The following RRP15 variants were observed in gnomAD, a reference collection of about 807,000 sequenced individuals.
The protein encoded by RRP15 is ribosomal RNA processing 15 homolog.
Under a neutral mutation model 27.1 loss-of-function variants are expected in RRP15, and 18 were observed. That is an observed-to-expected ratio of 0.66 (90% confidence interval 0.46 to 0.98). The LOEUF (loss-of-function observed/expected upper bound fraction) is 0.98, where lower values mean the gene tolerates loss of function less well. Among genes scored for constraint, RRP15 ranks in the 50% least tolerant of loss-of-function variants. The pLI, the probability that RRP15 is intolerant of heterozygous loss-of-function variation, is 0.00. For synonymous variants in RRP15, 107 were observed against 109.4 expected, an observed-to-expected ratio of 0.98 and a Z score of 0.14; for missense variants, 359 against 337.8, an observed-to-expected ratio of 1.06 and a Z score of -0.49.
At chr1:218,286,278 T>A (rs1369252315) in intron 1 of RRP15, among the ~76,000 whole-genome samples, 1 of 152,206 alleles carries the variant, frequency 6.6e-6, no homozygotes, top group African/African-American at 2.4e-5. Context: ...TTGGGCCAGG[T>A]TGTCTGTCAT....
chr1:218,329,677 A>G (rs547686543), intron 4 of RRP15, among the ~76,000 whole-genome samples: 1 of 152,284 alleles, frequency 6.6e-6, no homozygotes, highest in South Asian at 2.1e-4. Context: ...TTGATATACG[A>G]AGTCAGTTCT....
At chr1:218,286,692 A>G (rs1655554089) in intron 1 of RRP15, among the ~76,000 whole-genome samples, 1 of 152,156 alleles carries the variant, frequency 6.6e-6, no homozygotes, top group Admixed American at 6.5e-5. Context: ...CTTCACAGAT[A>G]TTTAAGTAAA....
chr1:218,336,016 G>T lies in RRP15; in HGVS notation c.*4925G>T, dbSNP rs1047645960. 3.3e-5 allele frequency: 5 copies of T among 152,062 alleles called. No individual in the cohort carries two copies. Among genetic ancestry groups the T allele is most frequent in the Admixed American group, 2.6e-4 (4 of 15,246 alleles). The allele number at this position is 152,062 out of a possible 1,614,324, so 9.4% of individuals were successfully genotyped here. ...TAAATATTTTTGTTGTTCTCTAAAA[G>T]AATGGGTTTATGATGCACCAAAAGG... On this transcript the variant is annotated 3_prime_UTR_variant, in exon 5 of 5. Transcript: ENST00000366932.
intron 1 of RRP15, among the ~76,000 whole-genome samples, chr1:218,295,189 C>T (rs529444274): frequency 1.6e-4 from 25 of 152,112 alleles, no homozygotes; most frequent in Admixed American, 6.5e-5. Context: ...TTGATGATAT[C>T]AAGTATGATA....
rs2102498257 is a variant in RRP15, at chr1:218,302,447, A to C, written c.293A>C (p.Lys98Thr). The C allele has an allele frequency of 1.2e-6, 2 of 1,614,140 alleles. No individual in the cohort carries two copies. Among genetic ancestry groups the C allele is most frequent in the East Asian group, 4.5e-5 (2 of 44,874 alleles). Residue 98 changes from lysine (K) to threonine (T), a missense_variant, in exon 2 of 5, where the codon AAA becomes ACA. Lys to Thr is a moderately conservative substitution (Grantham distance 78, BLOSUM62 -1). Transcript: ENST00000366932. ...ATGGGCTGGGCAGATGCTATGGCTAAAGTCCTCAACAAGAAAACTCCTGAA... is the reference window on the plus strand; with the variant it reads ...ATGGGCTGGGCAGATGCTATGGCTACAGTCCTCAACAAGAAAACTCCTGAA... The part of the protein sequence containing the change: ...TNMGWADAMA[K>T]VLNKKTPESK...
At chr1:218,321,683 G>T (rs940349358) in intron 4 of RRP15, among the ~76,000 whole-genome samples, 2 of 152,010 alleles carry the variant, frequency 1.3e-5, no homozygotes, top group African/African-American at 4.8e-5. Flanking sequence ...TTTATAAAAA[G>T]AATATACCAA....
chr1:218,331,009 G>A lies in RRP15; in HGVS notation c.767G>A (p.Gly256Glu), dbSNP rs1321655880. Residue 256 changes from glycine (G) to glutamate (E), a missense_variant, in exon 5 of 5, where the codon GGA (glycine) becomes GAA (glutamate). Coordinates refer to ENST00000366932, the MANE Select transcript of RRP15 (RefSeq NM_016052.4). ...ATCCTACGTGATGATTTCATGATGG[G>A]AGCATCTATGAAAGACTGGGACAAG... Reference protein sequence around the residue: ...WTILRDDFMMGASMKDWDKES... With the variant: ...WTILRDDFMMEASMKDWDKES... The A allele has an allele frequency of 6.2e-7, 1 of 1,613,496 alleles. No individual in the cohort carries two copies. Among genetic ancestry groups the A allele is most frequent in the South Asian group, 1.1e-5 (1 of 91,048 alleles).
intron 1 of RRP15, among the ~76,000 whole-genome samples, chr1:218,291,746 A>C (rs997765648): frequency 6.6e-6 from 1 of 151,932 alleles, no homozygotes; most frequent in East Asian, 2.0e-4. Context: ...TGGCCAGGAT[A>C]GTCTGGATCT....
chr1:218,294,204 G>A (rs894058067), intron 1 of RRP15, among the ~76,000 whole-genome samples: 2 of 152,098 alleles, frequency 1.3e-5, no homozygotes, highest in African/African-American at 2.4e-5. Context: ...GTGATTAAAT[G>A]TGTATGGATT....
chr1:218,330,936 A>C lies in RRP15; in HGVS notation c.706-12A>C. On this transcript the variant is annotated splice_polypyrimidine_tract_variant and intron_variant, in intron 4 of 4. Coordinates refer to ENST00000366932, the MANE Select transcript of RRP15 (RefSeq NM_016052.4). ...TGACTTTTGAATATTTTGATTCTAT[A>C]ATTTTCCTTAGACTGAAGTGAAATC... The C allele has an allele frequency of 6.2e-7, 1 of 1,606,984 alleles. No homozygotes were observed.
rs56813511 is a variant in RRP15, at chr1:218,308,062, CTTTTTTTTTTTTT to C, written c.705+447_705+459del. ...AGCTGCCTCAGTAGTTTCTTTCTTT[CTTTTTTTTTTTTT>C]TTTTTTTTTTTTTTTTGATGGAGTC... On this transcript the variant is annotated intron_variant, in intron 4 of 4. Coordinates refer to ENST00000366932, the MANE Select transcript of RRP15 (RefSeq NM_016052.4). Among the ~76,000 whole-genome samples, 11 of 66,928 alleles carry C rather than the reference CTTTTTTTTTTTTT, an allele frequency of 1.6e-4. No homozygotes were observed. In the South Asian group the frequency reaches 2.8e-3, roughly 17 times the overall value. The allele number at this position is 66,928 out of a possible 152,430, so 43.9% of individuals were successfully genotyped here.
chr1:218,287,448 C>G (rs1050772882), intron 1 of RRP15, among the ~76,000 whole-genome samples: 5 of 152,174 alleles, frequency 3.3e-5, no homozygotes, highest in Non-Finnish European at 7.3e-5. Flanking sequence ...CCTAATTTAT[C>G]TAATTCAATT....
intron 1 of RRP15, among the ~76,000 whole-genome samples, chr1:218,291,039 T>G (rs1222139150): frequency 6.6e-6 from 1 of 151,944 alleles, no homozygotes; most frequent in Admixed American, 6.6e-5. Flanking sequence ...CTTGGGAGGC[T>G]AAGGTGGGAG....
chr1:218,320,302 C>T (rs146527623), intron 4 of RRP15, among the ~76,000 whole-genome samples: 4,918 of 146,126 alleles, frequency 0.034, 255 homozygotes, highest in African/African-American at 0.12. Flanking sequence ...TGAGTGAGAA[C>T]ATGCGGTGTT....
At position 218,331,550 on chromosome 1, in the gene RRP15, C is replaced by T. The variant is rs371771178; in HGVS notation, c.*459C>T. The T allele has an allele frequency of 1.5e-4, 23 of 148,566 alleles. No homozygotes were observed. Among genetic ancestry groups the T allele is most frequent in the African/African-American group, 5.4e-4 (22 of 40,472 alleles). The allele number at this position is 148,566 out of a possible 1,614,324, so 9.2% of individuals were successfully genotyped here. A position where few individuals can be genotyped will look rare whatever the true frequency, so the allele number is the denominator to read the frequency against. On this transcript the variant is annotated 3_prime_UTR_variant, in exon 5 of 5. Transcript: ENST00000366932. ...TTGTGTTGGGAAGTTATTGAGAAAA[C>T]CTATATAATAAAATTTAAAATTATA...
At chr1:218,317,925 G>T (rs1358561117) in intron 4 of RRP15, among the ~76,000 whole-genome samples, 3 of 151,344 alleles carry the variant, frequency 2.0e-5, no homozygotes, top group Admixed American at 1.3e-4. Context: ...CTAGAGATGG[G>T]GGTCTCATCA....
chr1:218,325,785 A>T (rs903045146), intron 4 of RRP15, among the ~76,000 whole-genome samples: 1 of 151,762 alleles, frequency 6.6e-6, no homozygotes, highest in Non-Finnish European at 1.5e-5. Flanking sequence ...CCTCCTGTAC[A>T]TTTTTTCTCT....
intron 1 of RRP15, among the ~76,000 whole-genome samples, chr1:218,299,089 G>T (rs1655768606): frequency 6.6e-6 from 1 of 152,058 alleles, no homozygotes; most frequent in African/African-American, 2.4e-5. Context: ...AATATTTTGA[G>T]CCAGTTCTAT....
chr1:218,306,353 C>T (rs902083001), intron 3 of RRP15, among the ~76,000 whole-genome samples: 3 of 152,144 alleles, frequency 2.0e-5, no homozygotes, highest in African/African-American at 4.8e-5. Flanking sequence ...GTTACAAGAA[C>T]TGGAACACTG....
Sources: gnomAD v4.1 joint callset for allele counts (sites outside exome capture counted in the v4.1 genomes callset) on GRCh38, gnomAD v4.1.1 for gene constraint, MANE v1.5 for transcripts, NCBI Gene and HGNC (gene_info 2026-07-23, HGNC 2026-07-21) for gene names.